The following PRAG1 variants were observed in gnomAD, a reference collection of about 807,000 sequenced individuals.
The protein encoded by PRAG1 is PEAK1 related, kinase-activating pseudokinase 1, also known as inactive tyrosine-protein kinase PRAG1.
A neutral mutation model predicts 95.6 loss-of-function variants in PRAG1; 110 were observed. The observed-to-expected ratio is 1.15, with a 90% CI of 0.99 to 1.35. The LOEUF is 1.35. Among genes scored for constraint, PRAG1 ranks in the 40% most tolerant of loss-of-function variants. PRAG1 has a pLI of 0.00. For missense variants in PRAG1, 2,554 were observed against 1,864.7 expected (o/e 1.37, Z -6.81); for synonymous variants, 1,052 against 819.4 (o/e 1.28, Z -4.85).
chr8:8,381,145 T>TA (rs1273867986), intron 2 of PRAG1, among the ~76,000 whole-genome samples: 1 of 152,188 alleles, frequency 6.6e-6, no homozygotes, highest in African/African-American at 2.4e-5. Flanking sequence ...AACTTTTTTT[T>TA]AAAAAAGCTT....
intron 5 of PRAG1, among the ~76,000 whole-genome samples, chr8:8,325,785 C>T (rs1416914430): frequency 2.0e-5 from 3 of 151,754 alleles, no homozygotes; most frequent in Non-Finnish European, 2.9e-5. Context: ...GAGGGGGCGG[C>T]GCCTGTAGTC....
intron 3 of PRAG1, among the ~76,000 whole-genome samples, chr8:8,353,093 AG>A (rs1799575910): frequency 6.6e-6 from 1 of 152,270 alleles, no homozygotes; most frequent in East Asian, 1.9e-4. Flanking sequence ...ACATAAAAGA[AG>A]AAATAGATAG....
intron 3 of PRAG1, among the ~76,000 whole-genome samples, chr8:8,367,132 T>C (rs563591458): frequency 3.9e-5 from 6 of 152,214 alleles, no homozygotes; most frequent in South Asian, 2.1e-4. Context: ...ATGATCAGAA[T>C]TGGCATGGAG....
In PRAG1 at chr8:8,377,374, G is replaced by A. The variant is rs200346100; in HGVS notation, c.1035C>T (p.Ser345=). 194 of 1,390,082 alleles carry A rather than the reference G, an allele frequency of 1.4e-4. No individual in the cohort carries two copies. Among genetic ancestry groups the A allele is most frequent in the Admixed American group, 3.8e-4 (19 of 49,904 alleles). 86.1% of individuals were successfully genotyped at this position (1,390,082 alleles called of 1,614,324 possible). ...TGGCGCCGCTGCCGCTGCCGCTGCCGCTGCCACAAGAGAGGCCGTCGGAAG... is the reference window on the plus strand; with the variant it reads ...TGGCGCCGCTGCCGCTGCCGCTGCCACTGCCACAAGAGAGGCCGTCGGAAG... ...AISSDGLSCG[S]GSGSGSGASS... The change falls in exon 3 of 6, where the codon AGC becomes AGT. Residue 345 remains serine (S), a synonymous_variant. Transcript: ENST00000615670.
chr8:8,345,478 G>A (rs1318302193), intron 3 of PRAG1, among the ~76,000 whole-genome samples: 1 of 152,076 alleles, frequency 6.6e-6, no homozygotes, highest in Non-Finnish European at 1.5e-5. Flanking sequence ...ACACACGTAG[G>A]TGACCCTTTT....
chr8:8,349,254 T>C (rs926278180), intron 3 of PRAG1, among the ~76,000 whole-genome samples: 21 of 145,366 alleles, frequency 1.4e-4, no homozygotes, highest in Non-Finnish European at 2.5e-4. Flanking sequence ...TTTCTATTAT[T>C]TATCTATCTA....
At chr8:8,374,717 G>A (rs553846491) in intron 3 of PRAG1, 17 of 985,242 alleles carry the variant, frequency 1.7e-5, no homozygotes, top group Non-Finnish European at 2.0e-5. Context: ...AATCACCTCA[G>A]GATCTGGAAG....
intron 4 of PRAG1, among the ~76,000 whole-genome samples, chr8:8,339,219 C>T (rs796253020): frequency 3.3e-5 from 5 of 152,242 alleles, no homozygotes; most frequent in African/African-American, 1.2e-4. Context: ...GAAATAGGAG[C>T]CTTTCAACCT....
At chr8:8,329,443 G>A (rs1798750972) in intron 4 of PRAG1, among the ~76,000 whole-genome samples, 2 of 152,026 alleles carry the variant, frequency 1.3e-5, no homozygotes, top group East Asian at 1.9e-4. Context: ...TACTTAGGAT[G>A]TGTGCCCCTC....
At chr8:8,379,837 G>A (rs1407292536) in intron 2 of PRAG1, among the ~76,000 whole-genome samples, 1 of 152,242 alleles carries the variant, frequency 6.6e-6, no homozygotes, top group Non-Finnish European at 1.5e-5. Flanking sequence ...CCTCTAGGTT[G>A]TAACTGTTTT....
intron 1 of PRAG1, among the ~76,000 whole-genome samples, chr8:8,383,890 A>G (rs1342277811): frequency 2.0e-5 from 3 of 152,126 alleles, no homozygotes; most frequent in Non-Finnish European, 4.4e-5. Context: ...TGGGAGGGGG[A>G]AAAAGCAGAG....
chr8:8,339,570 C>G lies in PRAG1; in HGVS notation c.2228G>C (p.Ser743Thr). 1.2e-6 allele frequency: 2 copies of G among 1,614,206 alleles called. No individual in the cohort carries two copies. Among genetic ancestry groups the G allele is most frequent in the Non-Finnish European group, 1.7e-6 (2 of 1,180,032 alleles). Residue 743 changes from serine to threonine, a missense_variant, in exon 4 of 6, where the codon AGC (serine) becomes ACC (threonine). Ser to Thr is a moderately conservative substitution (Grantham distance 58, BLOSUM62 1). Transcript: ENST00000615670. ...GACACCCCTGAAGGATGGGCTGAGG[C>G]TTTCTGCAGAGCCCTGGCTCACTTT... ...LEKVSQGSAE[S>T]LSPSFRGVHV...
intron 4 of PRAG1, among the ~76,000 whole-genome samples, chr8:8,334,955 A>G (rs930668336): frequency 6.6e-6 from 1 of 151,854 alleles, no homozygotes; most frequent in Non-Finnish European, 1.5e-5. Flanking sequence ...GGTGGCGCGC[A>G]TGCAGTCCTA....
At chr8:8,376,178 G>A (rs928437559) in intron 3 of PRAG1, 69 bp downstream of exon 3, 1 of 1,551,184 alleles carries the variant, frequency 6.4e-7, no homozygotes, top group Non-Finnish European at 8.7e-7. Flanking sequence ...GCTTTGATGA[G>A]GGCAAAGGTT....
intron 1 of PRAG1, among the ~76,000 whole-genome samples, chr8:8,383,076 C>T (rs1186983211): frequency 1.3e-5 from 2 of 152,166 alleles, no homozygotes; most frequent in Non-Finnish European, 2.9e-5. Context: ...TTTCTCTCCA[C>T]TTTCCTCCCA....
chr8:8,328,123 T>C lies in PRAG1; in HGVS notation c.2659A>G (p.Lys887Glu). ...SSSDPLEKAF[K>E]GSGHWLPAAG... ...GCCGGAAGCCAGTGGCCACTGCCTT[T>C]GAAAGCTTTCTCCAGAGGATCGGAA... is the stretch of plus-strand genomic sequence containing the variant. Residue 887 changes from lysine to glutamate, a missense_variant, in exon 5 of 6, where the codon AAA becomes GAA. Transcript: ENST00000615670. 6.2e-7 allele frequency: 1 copy of C among 1,613,958 alleles called. No individual in the cohort carries two copies. The highest frequency in any genetic ancestry group is 8.5e-7 in the Non-Finnish European group (1 of 1,179,814).
chr8:8,349,152 A>C (rs1799438830), intron 3 of PRAG1, among the ~76,000 whole-genome samples: 1 of 152,216 alleles, frequency 6.6e-6, no homozygotes, highest in Admixed American at 6.5e-5. Flanking sequence ...ACCTGTTCTA[A>C]AATATTCTGA....
chr8:8,319,089 G>A lies in PRAG1; in HGVS notation c.3286C>T (p.Pro1096Ser). 6.2e-7 allele frequency: 1 copy of A among 1,610,566 alleles called. No homozygotes were observed. The highest frequency in any genetic ancestry group is 8.5e-7 in the Non-Finnish European group (1 of 1,179,658). ...DCVVVITREV[P>S]HQTASDFVRD... ...ACGAAGTCGGAGGCGGTCTGATGTG[G>A]CACCTCTCGGGTGATGACCACCACG... The change falls in exon 6 of 6, where the codon CCA (proline) becomes TCA (serine). Residue 1096 changes from proline to serine, a missense_variant. Transcript: ENST00000615670.
At chr8:8,374,549 T>C (rs1257024064) in intron 3 of PRAG1, 1 of 679,574 alleles carries the variant, frequency 1.5e-6, no homozygotes, top group African/African-American at 1.9e-5. Context: ...TGGCAATTCC[T>C]ACCTCTTAGG....
Sources: allele counts gnomAD v4.1 joint callset (sites outside exome capture counted in the v4.1 genomes callset), GRCh38; gene constraint gnomAD v4.1.1; transcripts MANE v1.5; gene names NCBI Gene and HGNC (gene_info 2026-07-23, HGNC 2026-07-21).